Variants in ATP5F1A observed in about 807,000 individuals in gnomAD.
ATP5F1A encodes the protein ATP synthase F(1) complex subunit alpha, mitochondrial.
A neutral mutation model predicts 57.4 loss-of-function variants in ATP5F1A; 24 were observed. The ratio of observed to expected loss-of-function variants is 0.42; its 90% CI spans 0.30 to 0.59. The LOEUF is 0.59. Among genes scored for constraint, ATP5F1A ranks in the 20% least tolerant of loss-of-function variants. The pLI is 0.19. For synonymous variants in ATP5F1A, 251 were observed against 255.5 expected, an observed-to-expected ratio of 0.98 and a Z score of 0.17; for missense variants, 494 against 707.9, an observed-to-expected ratio of 0.70 and a Z score of 3.43.
upstream of ATP5F1A, chr18:46,098,365 A>AACC: frequency 8.4e-7 from 1 of 1,188,920 alleles, no homozygotes; most frequent in Non-Finnish European, 1.1e-6. Context: ...CGCGTTCACC[A>AACC]CCTCTCCCCC....
chr18:46,086,822 A>G (rs1313733588), intron 8 of ATP5F1A, 186 bp downstream of exon 8: 8 of 664,032 alleles, frequency 1.2e-5, no homozygotes, highest in East Asian at 2.7e-5. Context: ...ACTCTATGCA[A>G]TAACTGGGTG....
intron 3 of ATP5F1A, among the ~76,000 whole-genome samples, chr18:46,090,981 T>C (rs1021092023): frequency 6.6e-6 from 1 of 152,230 alleles, no homozygotes; most frequent in Non-Finnish European, 1.5e-5. Flanking sequence ...TACTGTACAC[T>C]GAAGATGCTA....
upstream of ATP5F1A, chr18:46,098,305 G>C (rs1391415720): frequency 3.2e-5 from 48 of 1,514,382 alleles, no homozygotes; most frequent in Non-Finnish European, 3.9e-5. Context: ...TGGCCGAGCC[G>C]CAAAGAAGGT....
Position 46,091,741 on chromosome 18 carries a change from C to G in ATP5F1A, c.250G>C (p.Val84Leu). Residue 84 changes from valine to leucine, a missense_variant, in exon 3 of 12, where the codon GTA (valine) becomes CTA (leucine). By Grantham distance (32) the Val-to-Leu change is conservative. Coordinates refer to ENST00000398752, the MANE Select transcript of ATP5F1A (RefSeq NM_004046.6). ...VLSIGDGIAR[V>L]HGLRNVQAEE... ...GCTTGAACATTCCTCAGCCCATGTA[C>G]GCGGGCAATACCATCACCAATACTT... is the stretch of plus-strand genomic sequence containing the variant. 6.2e-7 allele frequency: 1 copy of G among 1,613,826 alleles called. No homozygotes were observed. Among genetic ancestry groups the G allele is most frequent in the Non-Finnish European group, 8.5e-7 (1 of 1,179,942 alleles).
rs990085782 is a variant in ATP5F1A, at chr18:46,095,087, G to T, written c.105C>A (p.Asn35Lys). 1 of 1,613,504 alleles carries T rather than the reference G, an allele frequency of 6.2e-7. No homozygotes were observed. The highest frequency in any genetic ancestry group is 1.3e-5 in the African/African-American group (1 of 74,844). ...ALGSSFIAARNFHASNTHLQK... is the reference protein window; with the variant it reads ...ALGSSFIAARKFHASNTHLQK... The stretch of plus-strand genomic sequence containing the variant: ...GAAGATGAGTGTTAGAGGCATGGAA[G>T]TTCCTTGCAGCAATGAAAGATGAAC... Residue 35 changes from asparagine to lysine, a missense_variant, in exon 2 of 12, where the codon AAC becomes AAA. Physicochemically the swap from Asn to Lys is moderately conservative, Grantham distance 94. Coordinates refer to ENST00000398752, the MANE Select transcript of ATP5F1A (RefSeq NM_004046.6).
At chr18:46,096,034 G>A (rs1468446349) in intron 1 of ATP5F1A, among the ~76,000 whole-genome samples, 3 of 151,736 alleles carry the variant, frequency 2.0e-5, no homozygotes, top group African/African-American at 2.4e-5. Context: ...GACTACAGGC[G>A]ACCACCACCA....
chr18:46,101,203 G>C (rs983392985), upstream of ATP5F1A, among the ~76,000 whole-genome samples: 2 of 152,018 alleles, frequency 1.3e-5, no homozygotes, highest in African/African-American at 4.8e-5. Context: ...TCTTGACACT[G>C]TTTTAGTTGG....
chr18:46,095,189 A>C, intron 1 of ATP5F1A, 58 bp from the exon 2 acceptor site: 1 of 1,520,990 alleles, frequency 6.6e-7, no homozygotes, highest in Non-Finnish European at 9.0e-7. Flanking sequence ...TAAAACTTAC[A>C]AGCTTAAACA....
chr18:46,086,176 C>T lies in ATP5F1A; in HGVS notation c.1366G>A (p.Ala456Thr), dbSNP rs979078709. The T allele has an allele frequency of 6.2e-7, 1 of 1,612,390 alleles. No homozygotes were observed. Among genetic ancestry groups the T allele is most frequent in the Non-Finnish European group, 8.5e-7 (1 of 1,180,016 alleles). ...FAQFGSDLDA[A>T]TQQLLSRGVR... Reference sequence around the variant, plus strand: ...CCACGACTCAAAAGTTGTTGAGTGGCAGCATCGAGGTCAGAACCGAACTGG... The same window carrying T: ...CCACGACTCAAAAGTTGTTGAGTGGTAGCATCGAGGTCAGAACCGAACTGG... The change falls in exon 10 of 12, where the codon GCC becomes ACC. Residue 456 changes from alanine (A) to threonine (T), a missense_variant. By Grantham distance (58) the Ala-to-Thr change is moderately conservative. Around this residue, in one of 6 missense-constraint regions of ATP5F1A, gnomAD observed 127 missense variants for 195.2 expected, o/e 0.65. Coordinates refer to ENST00000398752, the MANE Select transcript of ATP5F1A (RefSeq NM_004046.6).
At chr18:46,090,742 A>T (rs1910495471) in intron 3 of ATP5F1A, among the ~76,000 whole-genome samples, 1 of 152,232 alleles carries the variant, frequency 6.6e-6, no homozygotes, top group South Asian at 2.1e-4. Flanking sequence ...TAAATTTGTC[A>T]AATTTAAAAG....
Position 46,084,083 on chromosome 18 carries a change from T to C in ATP5F1A, c.*199A>G. ...TTCAAGTAAAATAGATCAAGAAGCA[T>C]TTGCTTACCAATTTCTCAATTTGAT... is the stretch of plus-strand genomic sequence containing the variant. On this transcript the variant is annotated 3_prime_UTR_variant, in exon 12 of 12. Coordinates refer to ENST00000398752, the MANE Select transcript of ATP5F1A (RefSeq NM_004046.6). The C allele has an allele frequency of 2.0e-6, 1 of 495,970 alleles. No individual in the cohort carries two copies. Among genetic ancestry groups the C allele is most frequent in the Non-Finnish European group, 3.5e-6 (1 of 285,818 alleles). 30.7% of individuals were successfully genotyped at this position (495,970 alleles called of 1,614,324 possible). A position where few individuals can be genotyped will look rare whatever the true frequency, so the allele number is the denominator to read the frequency against.
intron 2 of ATP5F1A, chr18:46,093,359 A>G (rs9945606): frequency 0.39 from 57,211 of 148,156 alleles, 11,442 homozygotes; most frequent in Middle Eastern, 0.53. Flanking sequence ...GCAAAATCCC[A>G]TCTCTACTAA....
upstream of ATP5F1A, among the ~76,000 whole-genome samples, chr18:46,099,762 C>G (rs1339089701): frequency 6.6e-6 from 1 of 152,180 alleles, no homozygotes; most frequent in African/African-American, 2.4e-5. Flanking sequence ...ATTTTCAGTT[C>G]CATCCCCCAA....
intron 10 of ATP5F1A, 64 bp downstream of exon 10, chr18:46,086,049 G>A (rs1358483156): frequency 1.2e-5 from 18 of 1,558,196 alleles, no homozygotes; most frequent in Non-Finnish European, 1.6e-5. Context: ...ATGCAGCTCT[G>A]TAGGCCTGGG....
chr18:46,090,393 C>T (rs1910472997), intron 3 of ATP5F1A, among the ~76,000 whole-genome samples: 1 of 152,116 alleles, frequency 6.6e-6, no homozygotes, highest in Non-Finnish European at 1.5e-5. Flanking sequence ...TGATTATCAT[C>T]TTATTTATGT....
At chr18:46,100,794 C>T (rs1023778419), upstream of ATP5F1A, among the ~76,000 whole-genome samples, 2 of 152,144 alleles carry the variant, frequency 1.3e-5, no homozygotes, top group Admixed American at 6.5e-5. Flanking sequence ...TTAGGTCAGC[C>T]GGGCACGGTG....
Position 46,081,606 on chromosome 18 carries a change from G to C in ATP5F1A, c.*2676C>G, listed in dbSNP as rs567002913. ...TTGACCCCAGGAGGCGGTGGTTGTG[G>C]TGAGCCGAGATCGTGCCATTGCACT... On this transcript the variant is annotated 3_prime_UTR_variant, in exon 12 of 12. Coordinates refer to ENST00000398752, the MANE Select transcript of ATP5F1A (RefSeq NM_004046.6). 1 of 146,878 alleles carries C rather than the reference G, an allele frequency of 6.8e-6. No homozygotes were observed. Among genetic ancestry groups the C allele is most frequent in the South Asian group, 2.2e-4 (1 of 4,496 alleles). 9.1% of individuals were successfully genotyped at this position (146,878 alleles called of 1,614,324 possible). A position where few individuals can be genotyped will look rare whatever the true frequency, so the allele number is the denominator to read the frequency against.
rs1363699937 is a variant in ATP5F1A, at chr18:46,104,117, TAAAAG to T, written c.-49+15_-49+19del. The T allele has an allele frequency of 8.2e-6, 3 of 364,376 alleles. No homozygotes were observed. In the East Asian group the frequency reaches 1.2e-4, roughly 15 times the overall value. 22.6% of individuals were successfully genotyped at this position (364,376 alleles called of 1,614,324 possible). A position where few individuals can be genotyped will look rare whatever the true frequency, so the allele number is the denominator to read the frequency against. ...AAGTGATTCAAACAAGAAATAAAAA[TAAAAG>T]AAAGAAAAAACAACCTGGTTCTAGG... On this transcript the variant is annotated intron_variant, in intron 1 of 12. Transcript: ENST00000282050.
rs1470790534 is a variant in ATP5F1A, at chr18:46,082,012, C to A, written c.*2270G>T. 6.7e-6 allele frequency: 1 copy of A among 149,444 alleles called. No homozygotes were observed. Among genetic ancestry groups the A allele is most frequent in the Non-Finnish European group, 1.5e-5 (1 of 67,662 alleles). 9.3% of individuals were successfully genotyped at this position (149,444 alleles called of 1,614,324 possible). ...AAATAAAATGGCAAGGAAGGGGGAACCCTAGGAAAAATATTTTAGAACATG... is the reference window on the plus strand; with the variant it reads ...AAATAAAATGGCAAGGAAGGGGGAAACCTAGGAAAAATATTTTAGAACATG... On this transcript the variant is annotated 3_prime_UTR_variant, in exon 12 of 12. Transcript: ENST00000398752.
Sources: gnomAD v4.1 joint callset for allele counts (sites outside exome capture counted in the v4.1 genomes callset) on GRCh38, gnomAD v4.1.1 for gene constraint, gnomAD v4.1.1 regional missense constraint, MANE v1.5 for transcripts, NCBI Gene and HGNC (gene_info 2026-07-23, HGNC 2026-07-21) for gene names.